The following DNAH9 variants were observed in gnomAD, a reference collection of about 807,000 sequenced individuals.
DNAH9 encodes the protein dynein axonemal heavy chain 9.
A neutral mutation model predicts 471.6 loss-of-function variants in DNAH9; 345 were observed. The ratio of observed to expected loss-of-function variants is 0.73; its 90% CI spans 0.67 to 0.80. The LOEUF is 0.80. DNAH9 is among the 30% of genes least tolerant of loss of function. DNAH9 has a pLI of 0.00. For missense variants in DNAH9, 5,407 were observed against 5,609.2 expected, an observed-to-expected ratio of 0.96 and a Z score of 1.15; for synonymous variants, 2,093 against 2,123.6, an observed-to-expected ratio of 0.99 and a Z score of 0.40.
At chr17:11,778,375 A>G (rs1431427996) in intron 38 of DNAH9, among the ~76,000 whole-genome samples, 1 of 151,118 alleles carries the variant, frequency 6.6e-6, no homozygotes, top group African/African-American at 2.4e-5. Context: ...AAAGGGAAGA[A>G]AAAAAAGAGA....
intron 55 of DNAH9, chr17:11,882,795 G>A (rs1223454175): frequency 6.2e-6 from 2 of 321,168 alleles, no homozygotes; most frequent in South Asian, 1.2e-4. Flanking sequence ...ATTCGGTGAG[G>A]AGTTGGCATC....
At chr17:11,670,429 C>T (rs945934998) in intron 17 of DNAH9, among the ~76,000 whole-genome samples, 4 of 152,146 alleles carry the variant, frequency 2.6e-5, no homozygotes, top group Admixed American at 6.5e-5. Context: ...AGAATCTCGA[C>T]CCCCTTCTCA....
At chr17:11,602,448 C>T (rs1461950239) in intron 1 of DNAH9, among the ~76,000 whole-genome samples, 2 of 152,168 alleles carry the variant, frequency 1.3e-5, no homozygotes, top group Non-Finnish European at 2.9e-5. Flanking sequence ...CCCCTACAGC[C>T]TTCTCCTAAG....
chr17:11,688,847 C>T (rs980712701), intron 19 of DNAH9, among the ~76,000 whole-genome samples: 2 of 152,074 alleles, frequency 1.3e-5, no homozygotes, highest in South Asian at 4.1e-4. Flanking sequence ...CCTGTAATCC[C>T]AGCACTTTTG....
intron 26 of DNAH9, among the ~76,000 whole-genome samples, chr17:11,710,446 T>C (rs981553802): frequency 6.6e-6 from 1 of 152,210 alleles, no homozygotes; most frequent in African/African-American, 2.4e-5. Context: ...AAAACTGTTA[T>C]TCCTACTCTC....
intron 35 of DNAH9, among the ~76,000 whole-genome samples, chr17:11,762,784 T>TTTTTG (rs1555584708): frequency 1.5e-5 from 2 of 135,182 alleles, no homozygotes; most frequent in Non-Finnish European, 3.2e-5. Context: ...TTTTTTTTTT[T>TTTTTG]TTTTTTTTTT....
chr17:11,723,898 C>G (rs1422509209), intron 27 of DNAH9, among the ~76,000 whole-genome samples: 1 of 152,076 alleles, frequency 6.6e-6, no homozygotes, highest in East Asian at 1.9e-4. Flanking sequence ...TGGTCTGGAT[C>G]TCCTGACCTT....
At chr17:11,743,153 C>CTTGG (rs531505056) in intron 30 of DNAH9, among the ~76,000 whole-genome samples, 39 of 152,314 alleles carry the variant, frequency 2.6e-4, no homozygotes, top group African/African-American at 8.9e-4. Context: ...GCCCAAGCTT[C>CTTGG]CTTCTCCTGT....
intron 14 of DNAH9, among the ~76,000 whole-genome samples, chr17:11,664,580 G>C (rs546594774): frequency 6.6e-6 from 1 of 152,274 alleles, no homozygotes; most frequent in Non-Finnish European, 1.5e-5. Flanking sequence ...CATTGCTTCT[G>C]AGAAGCTGGG....
intron 65 of DNAH9, among the ~76,000 whole-genome samples, chr17:11,936,897 A>AC (rs746153575): frequency 5.3e-5 from 8 of 152,296 alleles, no homozygotes; most frequent in Non-Finnish European, 1.2e-4. Flanking sequence ...CATCCCATGT[A>AC]CATGTTCAGG....
intron 68 of DNAH9, among the ~76,000 whole-genome samples, chr17:11,963,124 T>C (rs986478127): frequency 2.9e-5 from 4 of 138,278 alleles, no homozygotes; most frequent in Admixed American, 7.5e-5. Flanking sequence ...CTAAATCCAA[T>C]GACCAGTGCC....
At chr17:11,674,115 G>A (rs921041066) in intron 17 of DNAH9, among the ~76,000 whole-genome samples, 1 of 152,108 alleles carries the variant, frequency 6.6e-6, no homozygotes, top group African/African-American at 2.4e-5. Context: ...CCATTCCATA[G>A]TTGTTGAACA....
chr17:11,807,972 C>T, intron 44 of DNAH9, 78 bp downstream of exon 44: 1 of 1,467,658 alleles, frequency 6.8e-7, no homozygotes, highest in Non-Finnish European at 9.2e-7. Flanking sequence ...TTCACTCGTT[C>T]TCCAGTTCCC....
intron 48 of DNAH9, among the ~76,000 whole-genome samples, chr17:11,824,390 G>A (rs577591651): frequency 6.6e-6 from 1 of 152,142 alleles, no homozygotes; most frequent in Admixed American, 6.5e-5. Context: ...TTAGTGGGAT[G>A]CAGTGAGCCC....
intron 7 of DNAH9, among the ~76,000 whole-genome samples, chr17:11,631,820 CT>C (rs369943345): frequency 4.7e-4 from 71 of 150,906 alleles, no homozygotes; most frequent in African/African-American, 1.4e-3. Context: ...TTTTCATACC[CT>C]TTTTTTTTCA....
At chr17:11,747,906 T>A (rs1966959008) in intron 32 of DNAH9, 140 bp downstream of exon 32, 1 of 768,410 alleles carries the variant, frequency 1.3e-6, no homozygotes, top group African/African-American at 1.7e-5. Flanking sequence ...AAAAAGCCAG[T>A]AGAAAGGGAG....
chr17:11,780,793 C>G (rs1968637752), intron 38 of DNAH9, among the ~76,000 whole-genome samples: 1 of 152,210 alleles, frequency 6.6e-6, no homozygotes, highest in Admixed American at 6.5e-5. Context: ...GTGAGGTGTT[C>G]AGTCCCCATT....
At chr17:11,738,181 C>G (rs192398469) in intron 28 of DNAH9, among the ~76,000 whole-genome samples, 1 of 152,050 alleles carries the variant, frequency 6.6e-6, no homozygotes, top group African/African-American at 2.4e-5. Flanking sequence ...ATTGAAGTGC[C>G]CCCCTCCAAG....
At chr17:11,883,881 A>C in intron 56 of DNAH9, 131 bp downstream of exon 56, 1 of 1,044,800 alleles carries the variant, frequency 9.6e-7, no homozygotes, top group Non-Finnish European at 1.4e-6. Flanking sequence ...TGTCTTAGCA[A>C]GGTTCTTCTA....
Sources: gnomAD v4.1 joint callset for allele counts (sites outside exome capture counted in the v4.1 genomes callset) on GRCh38, gnomAD v4.1.1 for gene constraint, MANE v1.5 for transcripts, NCBI Gene and HGNC (gene_info 2026-07-23, HGNC 2026-07-21) for gene names.